DENND1B: variants seen among roughly 807,000 people sequenced by gnomAD.
The protein encoded by DENND1B is DENN domain containing 1B.
Under a neutral mutation model 90.1 loss-of-function variants are expected in DENND1B, and 59 were observed. The ratio of observed to expected loss-of-function variants is 0.65; its 90% confidence interval spans 0.53 to 0.81. The LOEUF (loss-of-function observed/expected upper bound fraction) is 0.81, where lower values mean the gene tolerates loss of function less well. DENND1B is among the 40% of genes least tolerant of loss of function. The pLI, the probability that DENND1B is intolerant of heterozygous loss-of-function variation, is 0.00. For synonymous variants in DENND1B, 337 were observed against 324.6 expected (o/e 1.04, Z -0.41); for missense variants, 862 against 912.6 (o/e 0.94, Z 0.71).
At chr1:197,611,138 T>C (rs1677148152) in intron 12 of DENND1B, among the ~76,000 whole-genome samples, 1 of 150,838 alleles carries the variant, frequency 6.6e-6, no homozygotes, top group African/African-American at 2.4e-5. Context: ...GAAACTGGGT[T>C]AAAGTACAAT....
intron 20 of DENND1B, among the ~76,000 whole-genome samples, chr1:197,516,001 T>C (rs1668370477): frequency 6.6e-6 from 1 of 151,816 alleles, no homozygotes; most frequent in Non-Finnish European, 1.5e-5. Flanking sequence ...AGCTACTGCT[T>C]TTTCCACAAT....
chr1:197,690,693 A>G (rs1475782622), intron 3 of DENND1B: 1 of 165,544 alleles, frequency 6.0e-6, no homozygotes, highest in African/African-American at 2.4e-5. Flanking sequence ...ACAGTCCCAG[A>G]AGTATTTGCC....
chr1:197,730,729 A>T (rs1190547036), intron 2 of DENND1B, among the ~76,000 whole-genome samples: 1 of 152,112 alleles, frequency 6.6e-6, no homozygotes. Context: ...CAGGAAAATT[A>T]ATCCTAATTT....
In DENND1B at chr1:197,716,440, A is replaced by G. The variant is rs922252286; in HGVS notation, c.83-1366T>C. Among the ~76,000 whole-genome samples, 6 of 151,922 alleles carry G rather than the reference A, an allele frequency of 3.9e-5. 1 individual carries two copies. The highest frequency in any genetic ancestry group is 1.4e-4 in the African/African-American group (6 of 41,538). On this transcript the variant is annotated intron_variant, in intron 2 of 22. Transcript: ENST00000620048. ...TATATCCTCATGTAAAACAAAATGC[A>G]TACATTTCTAAAATGAATGTGGAAT... is the stretch of plus-strand genomic sequence containing the variant.
At chr1:197,730,986 G>A (rs977259503) in intron 2 of DENND1B, among the ~76,000 whole-genome samples, 1 of 151,968 alleles carries the variant, frequency 6.6e-6, no homozygotes, top group Non-Finnish European at 1.5e-5. Context: ...GCTTACTAGA[G>A]CCCATAATGT....
chr1:197,737,695 T>A (rs116661562), intron 2 of DENND1B, among the ~76,000 whole-genome samples: 2 of 152,202 alleles, frequency 1.3e-5, no homozygotes, highest in Non-Finnish European at 2.9e-5. Flanking sequence ...CACATAGGTA[T>A]CCAGGATCTA....
At chr1:197,674,547 T>A (rs1420416247) in intron 3 of DENND1B, among the ~76,000 whole-genome samples, 1 of 152,102 alleles carries the variant, frequency 6.6e-6, no homozygotes, top group Non-Finnish European at 1.5e-5. Flanking sequence ...TGACAGATCC[T>A]GGCTCAAAAA....
chr1:197,629,050 G>GA, intron 10 of DENND1B, among the ~76,000 whole-genome samples: 1 of 152,250 alleles, frequency 6.6e-6, no homozygotes, highest in South Asian at 2.1e-4. Flanking sequence ...AGGATGTGGA[G>GA]AAATAGGTAC....
chr1:197,740,299 G>A (rs1455919331), intron 2 of DENND1B, among the ~76,000 whole-genome samples: 1 of 152,134 alleles, frequency 6.6e-6, no homozygotes, highest in Non-Finnish European at 1.5e-5. Flanking sequence ...AGAGAGCAAG[G>A]GAGAAAAGTG....
At chr1:197,536,807 C>T (rs960203756) in intron 20 of DENND1B, among the ~76,000 whole-genome samples, 9 of 151,878 alleles carry the variant, frequency 5.9e-5, no homozygotes, top group African/African-American at 2.2e-4. Flanking sequence ...TTTGGGAGGC[C>T]GAGGCGGGCA....
rs1668078708 is a variant in DENND1B, at chr1:197,512,213, AC to A, written c.1599-270del. 2.0e-5 allele frequency among the ~76,000 whole-genome samples: 3 copies of A among 151,836 alleles called. No individual in the cohort carries two copies. In the South Asian group the frequency reaches 6.2e-4, roughly 32 times the overall value. On this transcript the variant is annotated intron_variant, in intron 21 of 22. Coordinates refer to ENST00000620048, the MANE Select transcript of DENND1B (RefSeq NM_001195215.2). Reference sequence around the variant, plus strand: ...ACAGTTTAATTCTGTGGAATTTGGGACCTTTACTTTAGGAATATTAGACTGA... The same window carrying A: ...ACAGTTTAATTCTGTGGAATTTGGGACTTTACTTTAGGAATATTAGACTGA...
chr1:197,696,010 C>T (rs1558412987), intron 3 of DENND1B, among the ~76,000 whole-genome samples: 1 of 151,190 alleles, frequency 6.6e-6, no homozygotes, highest in Non-Finnish European at 1.5e-5. Flanking sequence ...TCTTCCTAAA[C>T]TATGCAGACC....
At chr1:197,781,544 T>C in the DENND1B span, among the ~76,000 whole-genome samples, 5 of 152,220 alleles carry the variant, frequency 3.3e-5, no homozygotes, top group African/African-American at 1.2e-4. Context: ...GTCCTTTTTA[T>C]ACTTAGCAGC....
chr1:197,666,103 G>C (rs1356646778), intron 5 of DENND1B, among the ~76,000 whole-genome samples: 1 of 152,118 alleles, frequency 6.6e-6, no homozygotes, highest in East Asian at 1.9e-4. Context: ...ATATAAGAAA[G>C]TGATTAAATA....
intron 2 of DENND1B, among the ~76,000 whole-genome samples, chr1:197,733,654 G>C (rs907258783): frequency 6.6e-6 from 1 of 152,146 alleles, no homozygotes; most frequent in African/African-American, 2.4e-5. Flanking sequence ...GAGGCCCCAC[G>C]AAAGCCTGGC....
intron 2 of DENND1B, among the ~76,000 whole-genome samples, chr1:197,716,457 A>G (rs1660655697): frequency 6.6e-6 from 1 of 151,804 alleles, no homozygotes; most frequent in African/African-American, 2.4e-5. Context: ...TCTAAAATGA[A>G]TGTGGAATGC....
intron 2 of DENND1B, among the ~76,000 whole-genome samples, chr1:197,724,564 G>A (rs947671651): frequency 2.0e-5 from 3 of 152,046 alleles, no homozygotes; most frequent in African/African-American, 7.2e-5. Flanking sequence ...ATCAACTCAG[G>A]TCTTGCCTAA....
At chr1:197,548,933 G>A (rs1360583410) in intron 16 of DENND1B, among the ~76,000 whole-genome samples, 1 of 151,980 alleles carries the variant, frequency 6.6e-6, no homozygotes, top group African/African-American at 2.4e-5. Flanking sequence ...AAGTTTTAAG[G>A]GCTAATTGTG....
At chr1:197,562,102 G>A (rs534898792) in intron 15 of DENND1B, among the ~76,000 whole-genome samples, 2 of 151,748 alleles carry the variant, frequency 1.3e-5, no homozygotes, top group Non-Finnish European at 2.9e-5. Flanking sequence ...AACATACCCT[G>A]TTCTATCTAC....
Sources: allele counts gnomAD v4.1 joint callset (sites outside exome capture counted in the v4.1 genomes callset), GRCh38; gene constraint gnomAD v4.1.1; transcripts MANE v1.5; gene names NCBI Gene and HGNC (gene_info 2026-07-23, HGNC 2026-07-21).